The following XKR9 variants were observed in gnomAD, a reference collection of about 807,000 sequenced individuals.
XKR9 encodes XK related 9, also known as XK-related protein 9.
In XKR9, 32 loss-of-function variants were observed where a neutral mutation model predicts 32.0. That is an observed-to-expected ratio of 1.00 (90% CI 0.76 to 1.34). The LOEUF (loss-of-function observed/expected upper bound fraction) is 1.34. Among genes scored for constraint, XKR9 ranks in the 40% most tolerant of loss-of-function variants. XKR9 has a pLI of 0.00. For synonymous variants in XKR9, 168 were observed against 143.4 expected (o/e 1.17, Z -1.22); for missense variants, 546 against 429.7 (o/e 1.27, Z -2.39).
chr8:70,819,385 C>A, the XKR9 span, among the ~76,000 whole-genome samples: 4 of 152,190 alleles, frequency 2.6e-5, no homozygotes, highest in Admixed American at 2.6e-4. Context: ...AAGTTTCCAG[C>A]ATGTTACTAA....
chr8:70,855,160 TCA>T, the XKR9 span, among the ~76,000 whole-genome samples: 1 of 152,142 alleles, frequency 6.6e-6, no homozygotes, highest in African/African-American at 2.4e-5. Context: ...GAAGAAGGCT[TCA>T]GATGATCAAA....
At chr8:70,720,680 G>A (rs544449114) in intron 4 of XKR9, among the ~76,000 whole-genome samples, 1 of 152,266 alleles carries the variant, frequency 6.6e-6, no homozygotes, top group South Asian at 2.1e-4. Flanking sequence ...GCTTTTTGAT[G>A]TGCTGCTGGA....
chr8:71,014,115 G>A, the XKR9 span, among the ~76,000 whole-genome samples: 5 of 152,162 alleles, frequency 3.3e-5, no homozygotes, highest in Non-Finnish European at 7.4e-5. Context: ...CACAATCTGA[G>A]TCAAGCTTCC....
chr8:70,774,865 G>A (rs1256526514), intron 2 of XKR9, among the ~76,000 whole-genome samples: 2 of 151,968 alleles, frequency 1.3e-5, no homozygotes, highest in African/African-American at 4.8e-5. Context: ...ACTGTTATAT[G>A]TCTCTTTTAT....
the XKR9 span, among the ~76,000 whole-genome samples, chr8:70,882,929 A>G: frequency 4.0e-5 from 6 of 149,316 alleles, no homozygotes; most frequent in East Asian, 1.2e-3. Context: ...TAGCTGTCTT[A>G]TTCTCCCCCT....
At chr8:70,924,290 T>G in the XKR9 span, among the ~76,000 whole-genome samples, 1 of 152,180 alleles carries the variant, frequency 6.6e-6, no homozygotes, top group Non-Finnish European at 1.5e-5. Context: ...TGTAACAGCT[T>G]CTTATCCTGT....
At chr8:70,843,035 C>T in the XKR9 span, among the ~76,000 whole-genome samples, 2 of 152,162 alleles carry the variant, frequency 1.3e-5, no homozygotes, top group African/African-American at 4.8e-5. Context: ...AGTCGGGATG[C>T]ACGCCCATGA....
At chr8:70,838,584 G>A in the XKR9 span, among the ~76,000 whole-genome samples, 2 of 151,968 alleles carry the variant, frequency 1.3e-5, no homozygotes, top group African/African-American at 4.8e-5. Flanking sequence ...GCTCAGAGAC[G>A]TTAGGTAATT....
chr8:70,676,109 C>T (rs943168904), intron 2 of XKR9, among the ~76,000 whole-genome samples: 4 of 152,132 alleles, frequency 2.6e-5, no homozygotes, highest in African/African-American at 9.7e-5. Context: ...GGGGAGGCCT[C>T]AGGAAGCTTA....
the XKR9 span, among the ~76,000 whole-genome samples, chr8:70,999,396 A>G: frequency 6.6e-6 from 1 of 152,156 alleles, no homozygotes; most frequent in Non-Finnish European, 1.5e-5. Flanking sequence ...AGTTTTTATT[A>G]TGACCAAAGT....
At chr8:70,772,590 A>T (rs1807467911) in intron 2 of XKR9, among the ~76,000 whole-genome samples, 1 of 152,230 alleles carries the variant, frequency 6.6e-6, no homozygotes, top group South Asian at 2.1e-4. Flanking sequence ...ACAGGAGTTT[A>T]GAAATGAATA....
intron 4 of XKR9, among the ~76,000 whole-genome samples, chr8:70,720,305 G>C (rs747933448): frequency 6.6e-6 from 1 of 152,058 alleles, no homozygotes; most frequent in African/African-American, 2.4e-5. Flanking sequence ...TCTCTTGCCT[G>C]ATTGCTCTGG....
intron 4 of XKR9, among the ~76,000 whole-genome samples, chr8:70,725,158 A>G (rs1806420431): frequency 6.6e-6 from 1 of 152,164 alleles, no homozygotes; most frequent in Non-Finnish European, 1.5e-5. Context: ...TTCCCCTGTG[A>G]TTCAATTACC....
At chr8:70,788,964 C>G (rs1242464993) in intron 2 of XKR9, among the ~76,000 whole-genome samples, 1 of 151,980 alleles carries the variant, frequency 6.6e-6, no homozygotes, top group Non-Finnish European at 1.5e-5. Context: ...GACTACTGGA[C>G]TAATCCTTGT....
Position 70,733,806 on chromosome 8 carries a change from C to T in XKR9, c.504C>T (p.Ile168=). The change falls in exon 5 of 5, where the codon ATC becomes ATT. Residue 168 remains isoleucine, a synonymous_variant. Coordinates refer to ENST00000408926, the MANE Select transcript of XKR9 (RefSeq NM_001011720.2). ...GQANFSQYAA[I]MVSCCAISWS... The stretch of plus-strand genomic sequence containing the variant: ...TTTTTTGTTTTGTAGATGCGGCCAT[C>T]ATGGTCTCTTGCTGTGCTATTTCTT... The T allele has an allele frequency of 6.4e-7, 1 of 1,559,314 alleles. No homozygotes were observed. Among genetic ancestry groups the T allele is most frequent in the Non-Finnish European group, 8.6e-7 (1 of 1,160,536 alleles).
chr8:70,899,049 G>T, the XKR9 span, among the ~76,000 whole-genome samples: 6 of 152,252 alleles, frequency 3.9e-5, no homozygotes, highest in African/African-American at 1.4e-4. Flanking sequence ...AAATAGCTGG[G>T]ACTAAAATTG....
At chr8:71,017,513 C>T in the XKR9 span, among the ~76,000 whole-genome samples, 5 of 152,116 alleles carry the variant, frequency 3.3e-5, no homozygotes, top group Admixed American at 3.3e-4. Flanking sequence ...ACAAAGAGGA[C>T]CTGTCACTCA....
chr8:70,857,084 A>G, the XKR9 span, among the ~76,000 whole-genome samples: 1 of 152,194 alleles, frequency 6.6e-6, no homozygotes, highest in African/African-American at 2.4e-5. Flanking sequence ...AAGAGCAAAC[A>G]CATTCAAAAG....
the XKR9 span, among the ~76,000 whole-genome samples, chr8:71,027,781 G>GA: frequency 3.0e-5 from 1 of 33,896 alleles, no homozygotes; most frequent in Non-Finnish European, 8.8e-5. Context: ...TTTTTTGGCG[G>GA]GGGGGGGGGG....
Sources: gnomAD v4.1 joint callset for allele counts (sites outside exome capture counted in the v4.1 genomes callset) on GRCh38, gnomAD v4.1.1 for gene constraint, MANE v1.5 for transcripts, NCBI Gene and HGNC (gene_info 2026-07-23, HGNC 2026-07-21) for gene names.